HS6ST2: variants seen among roughly 807,000 people sequenced by gnomAD.
HS6ST2 encodes the protein heparan sulfate 6-O-sulfotransferase 2, also known as heparan-sulfate 6-O-sulfotransferase 2.
Under a neutral mutation model 33.0 loss-of-function variants are expected in HS6ST2, and 17 were observed. That is an observed-to-expected ratio of 0.52 (90% confidence interval 0.35 to 0.77). The LOEUF (loss-of-function observed/expected upper bound fraction) is 0.77. Ranked by LOEUF, HS6ST2 falls within the 30% of genes least tolerant of loss-of-function variation. HS6ST2 has a pLI of 0.01. For synonymous variants in HS6ST2, 248 were observed against 237.1 expected (o/e 1.05, Z -0.42); for missense variants, 519 against 551.7 (o/e 0.94, Z 0.59).
At chrX:132,910,861 T>C (rs2066525058) in intron 2 of HS6ST2, among the ~76,000 whole-genome samples, 1 of 111,680 alleles carries the variant, frequency 9.0e-6, no homozygotes, top group African/African-American at 3.3e-5. Flanking sequence ...TTAAAAATCT[T>C]AGAAGGGGCT....
intron 2 of HS6ST2, among the ~76,000 whole-genome samples, chrX:132,813,094 G>C (rs2065364043): frequency 9.0e-6 from 1 of 111,646 alleles, no homozygotes; most frequent in African/African-American, 3.3e-5. Context: ...CTACATTTAT[G>C]TCTCCAGGTC....
intron 2 of HS6ST2, among the ~76,000 whole-genome samples, chrX:132,718,597 A>G (rs774644823): frequency 5.4e-5 from 6 of 110,812 alleles, no homozygotes; most frequent in Admixed American, 9.5e-5. Flanking sequence ...CTTACTGTAC[A>G]AGGCTGCAGC....
chrX:132,737,457 G>A (rs755414213), intron 2 of HS6ST2, among the ~76,000 whole-genome samples: 70 of 111,069 alleles, frequency 6.3e-4, no homozygotes, highest in Non-Finnish European at 1.2e-3. Flanking sequence ...CACGCACAAA[G>A]CTTTTGGTAT....
chrX:132,670,800 G>A (rs765819344), intron 3 of HS6ST2, among the ~76,000 whole-genome samples: 1 of 112,126 alleles, frequency 8.9e-6, no homozygotes, highest in Admixed American at 9.4e-5. Context: ...GCAACAGTGC[G>A]AGACTCCGTC....
At position 132,886,626 on chromosome X, in the gene HS6ST2, A is replaced by G. The variant is rs1015535046; in HGVS notation, c.947+70182T>C. 1.3e-4 allele frequency among the ~76,000 whole-genome samples: 15 copies of G among 111,312 alleles called. 1 individual carries two copies. Among genetic ancestry groups the G allele is most frequent in the Non-Finnish European group, 2.4e-4 (13 of 53,065 alleles). On this transcript the variant is annotated intron_variant, in intron 2 of 4. Coordinates refer to ENST00000370833, the MANE Select transcript of HS6ST2 (RefSeq NM_001394073.1). ...TAATACAAAAATTCTACACCTAGGA[A>G]CATAATGGCCAAAATGTTGAAAGCC... is the stretch of plus-strand genomic sequence containing the variant.
At chrX:132,798,613 A>T (rs1010090411) in intron 2 of HS6ST2, among the ~76,000 whole-genome samples, 4 of 112,029 alleles carry the variant, frequency 3.6e-5, no homozygotes, top group African/African-American at 6.5e-5. Context: ...TAGTTATTTT[A>T]AAGGGAAAAA....
chrX:132,870,315 T>C (rs895693914), intron 2 of HS6ST2, among the ~76,000 whole-genome samples: 1 of 111,803 alleles, frequency 8.9e-6, no homozygotes, highest in African/African-American at 3.3e-5. Flanking sequence ...ATAGGAAGAA[T>C]GAATATCATG....
intron 2 of HS6ST2, among the ~76,000 whole-genome samples, chrX:132,831,876 T>C (rs2065593690): frequency 8.9e-6 from 1 of 112,295 alleles, no homozygotes; most frequent in Non-Finnish European, 1.9e-5. Context: ...GAGAAGGATC[T>C]GGTGGTCCAT....
chrX:132,849,586 T>C (rs2065783131), intron 2 of HS6ST2, among the ~76,000 whole-genome samples: 1 of 112,007 alleles, frequency 8.9e-6, no homozygotes, highest in Non-Finnish European at 1.9e-5. Flanking sequence ...TTTGGAAATG[T>C]TTCAGTGGGG....
At chrX:132,637,377 C>T (rs964012713) in intron 4 of HS6ST2, among the ~76,000 whole-genome samples, 1 of 110,580 alleles carries the variant, frequency 9.0e-6, no homozygotes, top group African/African-American at 3.3e-5. Flanking sequence ...CAACTGTGCC[C>T]CCGGATGCAA....
At chrX:132,787,759 T>C (rs1456734022) in intron 2 of HS6ST2, among the ~76,000 whole-genome samples, 1 of 108,401 alleles carries the variant, frequency 9.2e-6, no homozygotes, top group Admixed American at 9.9e-5. Context: ...GGCGTTGTGG[T>C]ACATGCCTGT....
In HS6ST2 at chrX:132,754,264, G is replaced by A. The variant is rs188343133; in HGVS notation, c.948-45770C>T. Among the ~76,000 whole-genome samples, 146 of 110,807 alleles carry A rather than the reference G, an allele frequency of 1.3e-3. 1 individual carries two copies. The highest frequency in any genetic ancestry group is 4.5e-3 in the African/African-American group (137 of 30,469). ...ATGGATTATAGGGAAGAAGACCACA[G>A]AGATAAAGTGCCATTCGCATCTCAT... On this transcript the variant is annotated intron_variant, in intron 2 of 4. Coordinates refer to ENST00000370833, the MANE Select transcript of HS6ST2 (RefSeq NM_001394073.1).
intron 2 of HS6ST2, among the ~76,000 whole-genome samples, chrX:132,805,513 C>T (rs925560768): frequency 9.4e-6 from 1 of 105,966 alleles, no homozygotes; most frequent in African/African-American, 3.3e-5. Flanking sequence ...GACAGAGACA[C>T]CCAGATTGGT....
chrX:132,887,614 C>G (rs1329416427), intron 2 of HS6ST2, among the ~76,000 whole-genome samples: 1 of 112,178 alleles, frequency 8.9e-6, no homozygotes, highest in Non-Finnish European at 1.9e-5. Context: ...ATTAAACACA[C>G]ACTTACCATA....
intron 2 of HS6ST2, among the ~76,000 whole-genome samples, chrX:132,936,447 A>G (rs978853145): frequency 8.9e-6 from 1 of 111,933 alleles, no homozygotes; most frequent in Non-Finnish European, 1.9e-5. Flanking sequence ...AAAAAATAGA[A>G]AAGGAGAAAA....
chrX:132,752,974 G>A (rs915339335), intron 2 of HS6ST2, among the ~76,000 whole-genome samples: 3 of 112,434 alleles, frequency 2.7e-5, no homozygotes, highest in Non-Finnish European at 5.6e-5. Flanking sequence ...GGCAGGCCCA[G>A]GCAGCAGAGG....
intron 2 of HS6ST2, among the ~76,000 whole-genome samples, chrX:132,937,854 TAA>T (rs1381565930): frequency 9.0e-6 from 1 of 111,074 alleles, no homozygotes; most frequent in Non-Finnish European, 1.9e-5. Flanking sequence ...TAAATTAATG[TAA>T]AACACTATAT....
chrX:132,648,001 G>A (rs960052590), intron 4 of HS6ST2, among the ~76,000 whole-genome samples: 1 of 112,373 alleles, frequency 8.9e-6, no homozygotes, highest in Non-Finnish European at 1.9e-5. Flanking sequence ...AAGTGAAGAT[G>A]ATAATTCTAT....
chrX:132,670,188 A>T (rs1290770508), intron 3 of HS6ST2, among the ~76,000 whole-genome samples: 1 of 111,737 alleles, frequency 8.9e-6, no homozygotes, highest in East Asian at 2.8e-4. Context: ...TTTGCTTTTA[A>T]TGTGTATAAT....
Sources: allele counts gnomAD v4.1 joint callset (sites outside exome capture counted in the v4.1 genomes callset), GRCh38; gene constraint gnomAD v4.1.1; transcripts MANE v1.5; gene names NCBI Gene and HGNC (gene_info 2026-07-23, HGNC 2026-07-21).